SLC71A1: variants seen among roughly 807,000 people sequenced by gnomAD.
SLC71A1 encodes hippocampus abundant gene transcript 1.
the SLC71A1 span, among the ~76,000 whole-genome samples, chr1:100,071,562 A>G: frequency 6.6e-6 from 1 of 152,202 alleles, no homozygotes. Flanking sequence ...GATGTGATCA[A>G]CCTGGGCATG....
chr1:100,059,804 A>G, the SLC71A1 span: 1 of 1,325,456 alleles, frequency 7.5e-7, no homozygotes. Flanking sequence ...ATTTTTCTAT[A>G]GGAGTAAAAT....
At chr1:100,082,125 G>A in the SLC71A1 span, 2 of 1,614,152 alleles carry the variant, frequency 1.2e-6, no homozygotes, top group Admixed American at 1.7e-5. Context: ...GTTGGAGAAA[G>A]CACTGTGGCA....
chr1:100,062,448 G>C, the SLC71A1 span, among the ~76,000 whole-genome samples: 3 of 152,170 alleles, frequency 2.0e-5, no homozygotes, highest in Non-Finnish European at 4.4e-5. Flanking sequence ...TTGAGCCATA[G>C]TGGTAGGTCG....
the SLC71A1 span, among the ~76,000 whole-genome samples, chr1:100,051,358 T>G: frequency 2.0e-5 from 3 of 152,004 alleles, no homozygotes; most frequent in African/African-American, 4.8e-5. Context: ...ACCACTACCC[T>G]CCAGCCTGGA....
the SLC71A1 span, chr1:100,077,143 A>G: frequency 9.3e-7 from 1 of 1,080,064 alleles, no homozygotes; most frequent in Admixed American, 2.3e-5. Context: ...TATTCTGATA[A>G]ATCTTTTTTT....
At chr1:100,060,003 A>G in the SLC71A1 span, 1 of 1,608,634 alleles carries the variant, frequency 6.2e-7, no homozygotes, top group Non-Finnish European at 8.5e-7. Flanking sequence ...AGATCAGCCC[A>G]TGGTATGTGC....
chr1:100,065,455 TC>T, the SLC71A1 span, among the ~76,000 whole-genome samples: 1 of 150,766 alleles, frequency 6.6e-6, no homozygotes, highest in Admixed American at 6.6e-5. Flanking sequence ...TTCCTTCCCT[TC>T]CCCTTTCCTT....
At chr1:100,059,320 G>A in the SLC71A1 span, among the ~76,000 whole-genome samples, 4 of 150,710 alleles carry the variant, frequency 2.7e-5, no homozygotes, top group African/African-American at 7.3e-5. Context: ...CACCACACCC[G>A]GCTAATTTTT....
the SLC71A1 span, chr1:100,043,023 G>T: frequency 2.2e-6 from 2 of 917,930 alleles, no homozygotes; most frequent in South Asian, 1.0e-4. Flanking sequence ...TCAGTGTTTG[G>T]TTTAGATTGG....
At chr1:100,054,064 C>T in the SLC71A1 span, among the ~76,000 whole-genome samples, 30 of 138,388 alleles carry the variant, frequency 2.2e-4, no homozygotes, top group African/African-American at 6.5e-4. Context: ...TTCATTGAGA[C>T]GGAGTCTTAA....
At chr1:100,048,068 A>T in the SLC71A1 span, among the ~76,000 whole-genome samples, 18 of 148,246 alleles carry the variant, frequency 1.2e-4, no homozygotes, top group Middle Eastern at 3.8e-3. Context: ...TTTGATTTTT[A>T]AAAAAATTAG....
chr1:100,066,805 C>T, the SLC71A1 span, among the ~76,000 whole-genome samples: 18 of 151,798 alleles, frequency 1.2e-4, no homozygotes, highest in African/African-American at 3.1e-4. Context: ...TTGGCTAACA[C>T]GGTGAAACCC....
the SLC71A1 span, among the ~76,000 whole-genome samples, chr1:100,059,584 C>T: frequency 1.5e-4 from 23 of 151,658 alleles, no homozygotes; most frequent in South Asian, 4.8e-3. Flanking sequence ...CATATACACA[C>T]ACATACACAA....
chr1:100,050,836 C>G, the SLC71A1 span, among the ~76,000 whole-genome samples: 1 of 152,094 alleles, frequency 6.6e-6, no homozygotes, highest in Non-Finnish European at 1.5e-5. Flanking sequence ...CCTGTAATCC[C>G]AGCATTTTGG....
At chr1:100,078,136 C>G in the SLC71A1 span, among the ~76,000 whole-genome samples, 1 of 152,128 alleles carries the variant, frequency 6.6e-6, no homozygotes, top group Non-Finnish European at 1.5e-5. Flanking sequence ...GATGATGTTT[C>G]GTCATCTATA....
At chr1:100,055,803 A>T in the SLC71A1 span, among the ~76,000 whole-genome samples, 3 of 152,000 alleles carry the variant, frequency 2.0e-5, no homozygotes, top group African/African-American at 7.3e-5. Context: ...ACCAGGCTGG[A>T]GTGCAGTGGC....
At chr1:100,057,450 G>A in the SLC71A1 span, among the ~76,000 whole-genome samples, 1 of 151,450 alleles carries the variant, frequency 6.6e-6, no homozygotes, top group Non-Finnish European at 1.5e-5. Flanking sequence ...TGCCCTCCGG[G>A]TTTAAGCGAT....
the SLC71A1 span, among the ~76,000 whole-genome samples, chr1:100,047,214 A>G: frequency 1.3e-5 from 2 of 152,168 alleles, no homozygotes; most frequent in Admixed American, 1.3e-4. Context: ...GGCTTTTATC[A>G]TATTGAGGTA....
the SLC71A1 span, among the ~76,000 whole-genome samples, chr1:100,081,758 G>A: frequency 6.6e-6 from 1 of 152,170 alleles, no homozygotes; most frequent in Non-Finnish European, 1.5e-5. Context: ...TTCACATTTT[G>A]TGCTGAAAGT....
Sources: allele counts gnomAD v4.1 joint callset (sites outside exome capture counted in the v4.1 genomes callset), GRCh38; gene constraint gnomAD v4.1.1; transcripts MANE v1.5; gene names NCBI Gene and HGNC (gene_info 2026-07-23, HGNC 2026-07-21).